Variants in ADARB2 observed in about 807,000 individuals in gnomAD.
ADARB2 encodes inactive double-stranded RNA-specific editase B2.
In ADARB2, 25 loss-of-function variants were observed where a neutral mutation model predicts 62.2. That is an observed-to-expected ratio of 0.40 (90% CI 0.29 to 0.56). The LOEUF (loss-of-function observed/expected upper bound fraction) is 0.56, where lower values mean the gene tolerates loss of function less well. Among genes scored for constraint, ADARB2 ranks in the 20% least tolerant of loss-of-function variants. ADARB2 has a pLI of 0.43. For missense variants in ADARB2, 1,071 were observed against 1,077.4 expected (o/e 0.99, Z 0.08); for synonymous variants, 572 against 500.8 (o/e 1.14, Z -1.90).
chr10:1,329,558 G>T (rs1359980837), intron 3 of ADARB2, among the ~76,000 whole-genome samples: 1 of 152,140 alleles, frequency 6.6e-6, no homozygotes, highest in East Asian at 1.9e-4. Flanking sequence ...ACCCTTGCTG[G>T]GATCCAGGTG....
chr10:1,733,838 A>G, intron 1 of ADARB2, among the ~76,000 whole-genome samples: 1 of 152,184 alleles, frequency 6.6e-6, no homozygotes, highest in South Asian at 2.1e-4. Flanking sequence ...AGGGGTATTT[A>G]GTGATGGCAG....
At chr10:1,453,688 C>G (rs1200828537) in intron 1 of ADARB2, among the ~76,000 whole-genome samples, 1 of 152,144 alleles carries the variant, frequency 6.6e-6, no homozygotes, top group Non-Finnish European at 1.5e-5. Context: ...AAAATAGGCA[C>G]AAGACTTGAA....
intron 3 of ADARB2, among the ~76,000 whole-genome samples, chr10:1,275,760 G>A (rs1259657731): frequency 6.1e-5 from 9 of 148,650 alleles, no homozygotes; most frequent in Non-Finnish European, 1.3e-4. Flanking sequence ...TGCAGTGTTT[G>A]GTCTTTTGAC....
intron 1 of ADARB2, among the ~76,000 whole-genome samples, chr10:1,671,221 T>G (rs2119102001): frequency 6.6e-6 from 1 of 152,250 alleles, no homozygotes; most frequent in Admixed American, 6.5e-5. Flanking sequence ...GCTCTCATGA[T>G]CTCGCCCCCA....
rs538192613 is a variant in ADARB2, at chr10:1,591,704, C to G, written c.100+145347G>C. Among the ~76,000 whole-genome samples, 45 of 152,236 alleles carry G rather than the reference C, an allele frequency of 3.0e-4. 1 individual carries two copies. The South Asian group carries it at 8.3e-3, about 28-fold the overall frequency. On this transcript the variant is annotated intron_variant, in intron 1 of 9. Coordinates refer to ENST00000381312, the MANE Select transcript of ADARB2 (RefSeq NM_018702.4). ...GCACACACTCACCAGGACCCCCCCA[C>G]CTGCCGCCGTCTTGTTGGACGAGGT...
At chr10:1,242,339 C>A in intron 4 of ADARB2, 40 bp from the exon 5 acceptor site, 3 of 1,505,286 alleles carry the variant, frequency 2.0e-6, no homozygotes, top group African/African-American at 2.8e-5. Context: ...TGGCCCACGG[C>A]CCCCGTCTCC....
intron 3 of ADARB2, among the ~76,000 whole-genome samples, chr10:1,356,895 C>T (rs1478389937): frequency 6.6e-6 from 1 of 152,166 alleles, no homozygotes. Context: ...TGATTCCTAC[C>T]TAACTGGTCT....
intron 4 of ADARB2, among the ~76,000 whole-genome samples, chr10:1,264,697 G>A (rs1402051199): frequency 6.6e-6 from 1 of 152,154 alleles, no homozygotes; most frequent in Non-Finnish European, 1.5e-5. Flanking sequence ...GGAATTAATT[G>A]GCACTTTTGT....
At chr10:1,428,130 C>T (rs1481272347) in intron 1 of ADARB2, among the ~76,000 whole-genome samples, 2 of 151,644 alleles carry the variant, frequency 1.3e-5, no homozygotes, top group Non-Finnish European at 1.5e-5. Context: ...ACCACCACAC[C>T]CGACTAATTT....
Position 1,728,169 on chromosome 10 carries a change from A to AT in ADARB2, c.100+8881dup, listed in dbSNP as rs200134817. ...TCTCTTTTATGATGTAAGAAGATAG[A>AT]TTTTTTTTATTAGTGGCAATGACAA... is the stretch of plus-strand genomic sequence containing the variant. On this transcript the variant is annotated intron_variant, in intron 1 of 9. Transcript: ENST00000381312. Among the ~76,000 whole-genome samples the AT allele has an allele frequency of 8.3e-3, 1,267 of 152,176 alleles. 19 individuals are homozygous for AT. The highest frequency in any genetic ancestry group is 0.028 in the African/African-American group (1,174 of 41,540).
At chr10:1,199,208 A>G (rs974047940) in intron 8 of ADARB2, among the ~76,000 whole-genome samples, 1 of 143,706 alleles carries the variant, frequency 7.0e-6, no homozygotes, top group African/African-American at 2.6e-5. Context: ...GGTGATTCGG[A>G]AACCCACCCC....
chr10:1,201,900 A>T (rs1212812414), intron 7 of ADARB2, among the ~76,000 whole-genome samples: 2 of 150,496 alleles, frequency 1.3e-5, no homozygotes, highest in Non-Finnish European at 3.0e-5. Context: ...GGATGGTGGG[A>T]GGACACACAG....
intron 1 of ADARB2, among the ~76,000 whole-genome samples, chr10:1,456,384 C>A (rs748281213): frequency 5.3e-5 from 8 of 152,142 alleles, no homozygotes; most frequent in African/African-American, 1.9e-4. Flanking sequence ...GGCTCCTGCC[C>A]GGAAGACGTC....
chr10:1,305,515 C>G (rs1343361225), intron 3 of ADARB2, among the ~76,000 whole-genome samples: 2 of 152,040 alleles, frequency 1.3e-5, no homozygotes, highest in Non-Finnish European at 2.9e-5. Flanking sequence ...CTATTCCAAT[C>G]AATAGAAAAA....
At chr10:1,226,272 A>G (rs1830744460) in intron 6 of ADARB2, among the ~76,000 whole-genome samples, 1 of 152,128 alleles carries the variant, frequency 6.6e-6, no homozygotes, top group Non-Finnish European at 1.5e-5. Flanking sequence ...AGGTCCTTTA[A>G]GGACTTCTCT....
At chr10:1,614,257 C>T (rs10751806) in intron 1 of ADARB2, among the ~76,000 whole-genome samples, 109,117 of 152,166 alleles carry the variant, frequency 0.72, 39,374 homozygotes, top group African/African-American at 0.81. Context: ...ATTAACAGAA[C>T]ATCAATGTTT....
intron 1 of ADARB2, among the ~76,000 whole-genome samples, chr10:1,543,087 G>A (rs1832461803): frequency 6.6e-6 from 1 of 152,254 alleles, no homozygotes; most frequent in Non-Finnish European, 1.5e-5. Context: ...CTGGGTTGTT[G>A]GGACGGAAGG....
chr10:1,499,389 T>A (rs1831735107), intron 1 of ADARB2, among the ~76,000 whole-genome samples: 1 of 151,662 alleles, frequency 6.6e-6, no homozygotes, highest in African/African-American at 2.4e-5. Flanking sequence ...CTTACCCATG[T>A]ATCAGTCATT....
chr10:1,488,640 G>C (rs1401015474), intron 1 of ADARB2, among the ~76,000 whole-genome samples: 1 of 152,170 alleles, frequency 6.6e-6, no homozygotes, highest in African/African-American at 2.4e-5. Context: ...CTGGGGAGAC[G>C]TGAAAGGGAG....
Sources: gnomAD v4.1 joint callset for allele counts (sites outside exome capture counted in the v4.1 genomes callset) on GRCh38, gnomAD v4.1.1 for gene constraint, MANE v1.5 for transcripts, NCBI Gene and HGNC (gene_info 2026-07-23, HGNC 2026-07-21) for gene names.